Variants in GPR39 observed in about 807,000 individuals in gnomAD.
GPR39 encodes G protein-coupled receptor 39, also known as zinc sensing receptor.
Under a neutral mutation model 18.4 loss-of-function variants are expected in GPR39, and 23 were observed. The ratio of observed to expected loss-of-function variants is 1.25; its 90% CI spans 0.90 to 1.77. The LOEUF (loss-of-function observed/expected upper bound fraction) is 1.77. Among genes scored for constraint, GPR39 ranks in the 40% most tolerant of loss-of-function variants. The pLI is 0.00. For synonymous variants in GPR39, 280 were observed against 257.9 expected (o/e 1.09, Z -0.82); for missense variants, 647 against 602.4 (o/e 1.07, Z -0.78).
intron 1 of GPR39, among the ~76,000 whole-genome samples, chr2:132,521,914 C>T (rs915668537): frequency 4.6e-5 from 7 of 152,210 alleles, no homozygotes; most frequent in Non-Finnish European, 1.0e-4. Context: ...CCAACCCCTC[C>T]AATAATTGTG....
chr2:132,553,375 G>A (rs1558837254), intron 1 of GPR39, among the ~76,000 whole-genome samples: 1 of 148,320 alleles, frequency 6.7e-6, no homozygotes. Flanking sequence ...ATGTATATAT[G>A]TGTGTATATA....
intron 1 of GPR39, among the ~76,000 whole-genome samples, chr2:132,482,885 C>CTTACACTTAAGTGTACTTACACTA (rs1681261518): frequency 2.6e-5 from 4 of 152,180 alleles, no homozygotes; most frequent in Non-Finnish European, 5.9e-5. Context: ...GAAATTCTTA[C>CTTACACTTAAGTGTACTTACACTA]AGTGTAAGTA....
chr2:132,455,971 G>A (rs921058583), intron 1 of GPR39, among the ~76,000 whole-genome samples: 2 of 152,166 alleles, frequency 1.3e-5, no homozygotes, highest in East Asian at 1.9e-4. Context: ...TTGGGGTGGA[G>A]AATTCTGTAG....
intron 1 of GPR39, among the ~76,000 whole-genome samples, chr2:132,602,638 C>T (rs1294613871): frequency 6.6e-6 from 1 of 151,772 alleles, no homozygotes; most frequent in Non-Finnish European, 1.5e-5. Flanking sequence ...AACTATACAT[C>T]CAGCAAGAGA....
intron 1 of GPR39, among the ~76,000 whole-genome samples, chr2:132,434,383 T>G (rs1680275033): frequency 6.6e-6 from 1 of 152,166 alleles, no homozygotes; most frequent in Non-Finnish European, 1.5e-5. Context: ...TAAGAACACT[T>G]TTTCTGGATT....
chr2:132,605,628 C>T (rs958264970), intron 1 of GPR39, among the ~76,000 whole-genome samples: 2 of 152,100 alleles, frequency 1.3e-5, no homozygotes, highest in Non-Finnish European at 2.9e-5. Flanking sequence ...CTCTGTTATG[C>T]GTGGTTTTTA....
At chr2:132,588,895 C>G (rs934084708) in intron 1 of GPR39, among the ~76,000 whole-genome samples, 1 of 152,012 alleles carries the variant, frequency 6.6e-6, no homozygotes, top group Non-Finnish European at 1.5e-5. Flanking sequence ...TTTGCAGAAA[C>G]CTTTGGAATC....
chr2:132,545,653 G>GGGGT (rs5834318), intron 1 of GPR39, among the ~76,000 whole-genome samples: 4 of 134,684 alleles, frequency 3.0e-5, no homozygotes, highest in East Asian at 2.5e-4. Context: ...ATGTGTGATG[G>GGGGT]GCGTGTGTGT....
chr2:132,619,971 C>A (rs1035062688), intron 1 of GPR39, among the ~76,000 whole-genome samples: 1 of 152,144 alleles, frequency 6.6e-6, no homozygotes, highest in Non-Finnish European at 1.5e-5. Context: ...AGCCCCTTCA[C>A]CTGCGCAAAT....
At chr2:132,471,835 C>CT (rs950554503) in intron 1 of GPR39, among the ~76,000 whole-genome samples, 15 of 152,250 alleles carry the variant, frequency 9.9e-5, no homozygotes, top group African/African-American at 3.6e-4. Context: ...TTTCGGTTAA[C>CT]TTTCAGTAGA....
At chr2:132,641,169 T>C (rs1681850728) in intron 1 of GPR39, among the ~76,000 whole-genome samples, 1 of 152,222 alleles carries the variant, frequency 6.6e-6, no homozygotes, top group African/African-American at 2.4e-5. Flanking sequence ...AGGCAAAGTT[T>C]AGAATGAGAA....
At chr2:132,454,917 A>G (rs1172576031) in intron 1 of GPR39, among the ~76,000 whole-genome samples, 1 of 152,212 alleles carries the variant, frequency 6.6e-6, no homozygotes, top group Admixed American at 6.5e-5. Context: ...GTTGATGTTC[A>G]TCAGGGATAT....
chr2:132,622,843 G>A (rs980179672), intron 1 of GPR39, among the ~76,000 whole-genome samples: 5 of 152,150 alleles, frequency 3.3e-5, no homozygotes, highest in Admixed American at 2.0e-4. Flanking sequence ...GGCCAGGTGC[G>A]GTGGCTCATG....
chr2:132,497,015 G>T (rs1157056480), intron 1 of GPR39, among the ~76,000 whole-genome samples: 1 of 152,144 alleles, frequency 6.6e-6, no homozygotes, highest in African/African-American at 2.4e-5. Flanking sequence ...GTAGAAATTG[G>T]CTATCATGAC....
intron 1 of GPR39, among the ~76,000 whole-genome samples, chr2:132,545,747 T>G (rs1322261962): frequency 6.6e-6 from 1 of 152,036 alleles, no homozygotes; most frequent in African/African-American, 2.4e-5. Context: ...CAACTGGAGA[T>G]CTTGCTAAAA....
Position 132,434,572 on chromosome 2 carries a change from A to C in GPR39, c.856+16674A>C, listed in dbSNP as rs181212443. ...ACAGAACATCTCTAATTCAGCCTCTAGATTGGGGCCATAAAGACCTTTAAG... is the reference window on the plus strand; with the variant it reads ...ACAGAACATCTCTAATTCAGCCTCTCGATTGGGGCCATAAAGACCTTTAAG... On this transcript the variant is annotated intron_variant, in intron 1 of 1. Coordinates refer to ENST00000329321, the MANE Select transcript of GPR39 (RefSeq NM_001508.3). Among the ~76,000 whole-genome samples the C allele has an allele frequency of 6.2e-4, 95 of 152,296 alleles. 1 individual carries two copies. The highest frequency in any genetic ancestry group is 1.1e-3 in the Non-Finnish European group (77 of 68,028).
intron 1 of GPR39, among the ~76,000 whole-genome samples, chr2:132,575,742 A>G (rs916803812): frequency 2.6e-5 from 4 of 152,198 alleles, no homozygotes; most frequent in African/African-American, 9.6e-5. Context: ...ACCATCTACA[A>G]TTCCTCTTTA....
chr2:132,533,740 A>G (rs973731414), intron 1 of GPR39, among the ~76,000 whole-genome samples: 34 of 151,862 alleles, frequency 2.2e-4, no homozygotes, highest in South Asian at 1.2e-3. Context: ...AAGCAATGGG[A>G]AAAGGATTCC....
intron 1 of GPR39, among the ~76,000 whole-genome samples, chr2:132,543,091 C>A (rs1053148050): frequency 2.0e-5 from 3 of 152,188 alleles, no homozygotes; most frequent in African/African-American, 7.2e-5. Flanking sequence ...GGTTTGCATT[C>A]TTGTCTCACG....
Sources: allele counts gnomAD v4.1 joint callset (sites outside exome capture counted in the v4.1 genomes callset), GRCh38; gene constraint gnomAD v4.1.1; transcripts MANE v1.5; gene names NCBI Gene and HGNC (gene_info 2026-07-23, HGNC 2026-07-21).